Variants in PDZRN4 observed in about 807,000 individuals in gnomAD.
The protein encoded by PDZRN4 is PDZ domain containing ring finger 4.
Under a neutral mutation model 99.0 loss-of-function variants are expected in PDZRN4, and 70 were observed. The observed-to-expected ratio is 0.71, with a 90% confidence interval of 0.58 to 0.86. The LOEUF is 0.86. PDZRN4 is among the 40% of genes least tolerant of loss of function. The pLI, the probability that PDZRN4 is intolerant of heterozygous loss-of-function variation, is 0.00. For missense variants in PDZRN4, 1,474 were observed against 1,331.2 expected (o/e 1.11, Z -1.67); for synonymous variants, 551 against 501.6 (o/e 1.10, Z -1.32).
intron 3 of PDZRN4, among the ~76,000 whole-genome samples, chr12:41,421,571 C>T (rs1456435272): frequency 1.3e-5 from 2 of 152,160 alleles, no homozygotes; most frequent in Non-Finnish European, 2.9e-5. Flanking sequence ...CCTTTAGTAG[C>T]TCTTCATTAC....
chr12:41,415,914 A>G lies in PDZRN4; in HGVS notation c.844-90542A>G, dbSNP rs12313795. 5.2e-3 allele frequency among the ~76,000 whole-genome samples: 792 copies of G among 152,324 alleles called. 10 individuals carry two copies. The highest frequency in any genetic ancestry group is 0.018 in the African/African-American group (753 of 41,574). ...TCTTATTTTCATGCTTGTGAATATA[A>G]TATGTGTATACTTTACATTCATTTT... On this transcript the variant is annotated intron_variant, in intron 3 of 9. Transcript: ENST00000402685.
intron 3 of PDZRN4, among the ~76,000 whole-genome samples, chr12:41,483,410 T>G (rs957081025): frequency 2.0e-5 from 3 of 152,146 alleles, no homozygotes; most frequent in African/African-American, 7.2e-5. Context: ...AACAGGATCC[T>G]AAATCTCTCT....
chr12:41,509,741 C>A, intron 4 of PDZRN4, 70 bp from the exon 5 acceptor site: 1 of 725,886 alleles, frequency 1.4e-6, no homozygotes, highest in Non-Finnish European at 2.3e-6. Flanking sequence ...AAGTGAAATT[C>A]TAAAATCAGT....
intron 3 of PDZRN4, among the ~76,000 whole-genome samples, chr12:41,478,218 C>A (rs1052097375): frequency 6.6e-6 from 1 of 152,056 alleles, no homozygotes; most frequent in Admixed American, 6.6e-5. Flanking sequence ...CAGGTTCAAG[C>A]GATTCTCGTG....
chr12:41,514,107 G>C (rs1938355381), intron 5 of PDZRN4, among the ~76,000 whole-genome samples: 2 of 151,998 alleles, frequency 1.3e-5, no homozygotes, highest in South Asian at 4.1e-4. Flanking sequence ...TTAGAACTTT[G>C]CTTGAAGAGG....
intron 3 of PDZRN4, among the ~76,000 whole-genome samples, chr12:41,239,849 G>A (rs550225025): frequency 5.7e-4 from 87 of 152,202 alleles, no homozygotes; most frequent in Admixed American, 8.5e-4. Context: ...TATTTAAAAA[G>A]GCAAATGTTA....
intron 3 of PDZRN4, among the ~76,000 whole-genome samples, chr12:41,454,626 C>T (rs34931927): frequency 0.14 from 21,205 of 152,162 alleles, 1,520 homozygotes; most frequent in South Asian, 0.24. Flanking sequence ...CGGTGTGACA[C>T]TGGTCACAAG....
At chr12:41,388,415 A>G (rs1952187178) in intron 3 of PDZRN4, among the ~76,000 whole-genome samples, 1 of 152,032 alleles carries the variant, frequency 6.6e-6, no homozygotes, top group Admixed American at 6.5e-5. Flanking sequence ...AGTTGGAGGA[A>G]TCGCAAGAGC....
chr12:41,520,115 T>C (rs1938469139), intron 5 of PDZRN4, among the ~76,000 whole-genome samples: 1 of 152,156 alleles, frequency 6.6e-6, no homozygotes, highest in African/African-American at 2.4e-5. Context: ...ATACCATTGA[T>C]TTCATGACGG....
intron 4 of PDZRN4, 70 bp downstream of exon 4, chr12:41,506,782 A>G: frequency 6.6e-7 from 1 of 1,511,492 alleles, no homozygotes; most frequent in Non-Finnish European, 8.9e-7. Flanking sequence ...TGTTGAAAAG[A>G]AGCAGTTCCA....
intron 3 of PDZRN4, among the ~76,000 whole-genome samples, chr12:41,466,270 T>C (rs1952924594): frequency 6.6e-6 from 1 of 152,166 alleles, no homozygotes; most frequent in South Asian, 2.1e-4. Context: ...CAATTATTGG[T>C]GTGCTCCTCA....
chr12:41,361,154 A>G (rs1205424078), intron 3 of PDZRN4, among the ~76,000 whole-genome samples: 1 of 152,056 alleles, frequency 6.6e-6, no homozygotes, highest in South Asian at 2.1e-4. Flanking sequence ...GTGCTAGTTT[A>G]TGGATTACAG....
At chr12:41,515,041 C>T (rs1270495721) in intron 5 of PDZRN4, among the ~76,000 whole-genome samples, 2 of 151,998 alleles carry the variant, frequency 1.3e-5, no homozygotes, top group East Asian at 3.9e-4. Flanking sequence ...AGGGCTCAAT[C>T]AGCATATGTG....
At chr12:41,479,537 A>G (rs1017679991) in intron 3 of PDZRN4, among the ~76,000 whole-genome samples, 1 of 152,218 alleles carries the variant, frequency 6.6e-6, no homozygotes, top group Non-Finnish European at 1.5e-5. Context: ...TTGAAGTAGC[A>G]GTTCTCTAAG....
intron 3 of PDZRN4, among the ~76,000 whole-genome samples, chr12:41,495,666 C>G (rs913010353): frequency 6.6e-6 from 1 of 152,114 alleles, no homozygotes; most frequent in African/African-American, 2.4e-5. Flanking sequence ...TGAGGCCACA[C>G]TACTTTTCAG....
chr12:41,525,008 T>G (rs1409746308), intron 5 of PDZRN4, among the ~76,000 whole-genome samples: 2 of 152,166 alleles, frequency 1.3e-5, no homozygotes, highest in South Asian at 2.1e-4. Flanking sequence ...TTTTTGAAGT[T>G]GAGCTATTAG....
chr12:41,212,053 G>A (rs762658864), intron 3 of PDZRN4, among the ~76,000 whole-genome samples: 35 of 151,400 alleles, frequency 2.3e-4, no homozygotes, highest in Non-Finnish European at 4.3e-4. Context: ...CCTTTATCTG[G>A]GCCCTGTACC....
intron 3 of PDZRN4, among the ~76,000 whole-genome samples, chr12:41,225,995 C>G (rs980656739): frequency 1.3e-5 from 2 of 151,950 alleles, no homozygotes; most frequent in Non-Finnish European, 2.9e-5. Context: ...GCATTCTTTC[C>G]GGTCAACAAT....
At position 41,430,197 on chromosome 12, in the gene PDZRN4, C is replaced by T. The variant is rs186148059; in HGVS notation, c.844-76259C>T. Among the ~76,000 whole-genome samples, 11 of 152,248 alleles carry T rather than the reference C, an allele frequency of 7.2e-5. No homozygotes were observed. The East Asian group carries it at 1.7e-3, about 24-fold the overall frequency. On this transcript the variant is annotated intron_variant, in intron 3 of 9. Transcript: ENST00000402685. ...TTAAAAGAAACAAATAGGCCAGGCA[C>T]GGTGGCTCACGCCTGTAATCCCAGC...
Sources: gnomAD v4.1 joint callset for allele counts (sites outside exome capture counted in the v4.1 genomes callset) on GRCh38, gnomAD v4.1.1 for gene constraint, MANE v1.5 for transcripts, NCBI Gene and HGNC (gene_info 2026-07-23, HGNC 2026-07-21) for gene names.